Variants in HEATR4 observed in about 807,000 individuals in gnomAD.
HEATR4 encodes the protein HEAT repeat containing 4, also known as HEAT repeat-containing protein 4.
Under a neutral mutation model 108.8 loss-of-function variants are expected in HEATR4, and 95 were observed. The ratio of observed to expected loss-of-function variants is 0.87; its 90% confidence interval spans 0.74 to 1.04. HEATR4 has a LOEUF of 1.04. Among genes scored for constraint, HEATR4 ranks in the 50% least tolerant of loss-of-function variants. The pLI is 0.00. For missense variants in HEATR4, 1,152 were observed against 1,253.8 expected (o/e 0.92, Z 1.23); for synonymous variants, 443 against 459.4 (o/e 0.96, Z 0.46).
chr14:73,509,241 A>C, intron 8 of HEATR4, 71 bp downstream of exon 8: 1 of 1,430,052 alleles, frequency 7.0e-7, no homozygotes, highest in Admixed American at 1.7e-5. Flanking sequence ...TGGAGAGGAA[A>C]GGACTGGGAA....
At chr14:73,487,668 G>A (rs1885504056) in intron 17 of HEATR4, among the ~76,000 whole-genome samples, 1 of 152,166 alleles carries the variant, frequency 6.6e-6, no homozygotes, top group South Asian at 2.1e-4. Flanking sequence ...GATAGAAAAA[G>A]GCATAAGGAA....
At chr14:73,516,748 G>A (rs1048036031) in intron 5 of HEATR4, among the ~76,000 whole-genome samples, 36 of 152,306 alleles carry the variant, frequency 2.4e-4, no homozygotes, top group African/African-American at 7.9e-4. Flanking sequence ...TCTGCCTCCT[G>A]TCAGATCAGC....
At chr14:73,506,411 TCTGTAGCTCAGCCTCTCTTAGG>T in intron 10 of HEATR4, 34 bp downstream of exon 10, 1 of 1,292,644 alleles carries the variant, frequency 7.7e-7, no homozygotes, top group Non-Finnish European at 1.1e-6. Context: ...GTAGAAGGCC[TCTGTAGCTCAGCCTCTCTTAGG>T]CTTTCTGTCC....
the HEATR4 span, among the ~76,000 whole-genome samples, chr14:73,625,373 A>ATTT: frequency 7.1e-6 from 1 of 140,282 alleles, no homozygotes; most frequent in Admixed American, 7.2e-5. Context: ...TATTTATTTT[A>ATTT]TTTTTTAGAC....
At chr14:73,529,253 G>A (rs979206535) in intron 2 of HEATR4, 1 of 149,730 alleles carries the variant, frequency 6.7e-6, no homozygotes, top group Non-Finnish European at 1.5e-5. Flanking sequence ...TACTTGGGAG[G>A]CTAAGACAGG....
the HEATR4 span, among the ~76,000 whole-genome samples, chr14:73,583,443 C>G: frequency 6.6e-6 from 1 of 151,868 alleles, no homozygotes; most frequent in Non-Finnish European, 1.5e-5. Context: ...AGCCCTTTAC[C>G]CTCCATGATC....
At chr14:73,569,937 C>CT in the HEATR4 span, 3 of 1,548,262 alleles carry the variant, frequency 1.9e-6, no homozygotes, top group Non-Finnish European at 2.6e-6. Flanking sequence ...CTTTGTGTGT[C>CT]TCCCCCGCCC....
intron 11 of HEATR4, among the ~76,000 whole-genome samples, chr14:73,502,571 C>T (rs895344506): frequency 2.6e-5 from 4 of 151,436 alleles, no homozygotes; most frequent in Non-Finnish European, 5.9e-5. Flanking sequence ...TTTTTTGAGA[C>T]GGAGTCTTGC....
the HEATR4 span, among the ~76,000 whole-genome samples, chr14:73,590,880 C>T: frequency 3.9e-5 from 6 of 152,192 alleles, no homozygotes; most frequent in Admixed American, 3.9e-4. Context: ...AAAGGGGCTC[C>T]CACAGTGCAG....
At chr14:73,582,186 C>A in the HEATR4 span, 1 of 145,516 alleles carries the variant, frequency 6.9e-6, no homozygotes, top group Non-Finnish European at 1.5e-5. Context: ...AAATGGAAAT[C>A]AGCCCAGCTT....
the HEATR4 span, chr14:73,569,551 A>G: frequency 1.3e-3 from 2,017 of 1,603,862 alleles, 36 homozygotes; most frequent in African/African-American, 0.024. Context: ...CGCGACGAGA[A>G]GGGCGCGCTT....
At chr14:73,527,939 T>TCA (rs1341661391) in intron 2 of HEATR4, among the ~76,000 whole-genome samples, 2 of 92,790 alleles carry the variant, frequency 2.2e-5, no homozygotes, top group Non-Finnish European at 4.0e-5. Flanking sequence ...CCAGCCTGGG[T>TCA]AACAGGGGCA....
chr14:73,503,266 C>T (rs1351101369), intron 10 of HEATR4, among the ~76,000 whole-genome samples: 1 of 152,164 alleles, frequency 6.6e-6, no homozygotes, highest in African/African-American at 2.4e-5. Context: ...AGGACTCAAA[C>T]CCAACTCTCC....
intron 6 of HEATR4, among the ~76,000 whole-genome samples, chr14:73,513,315 C>T (rs1347268495): frequency 6.6e-6 from 1 of 151,878 alleles, no homozygotes; most frequent in African/African-American, 2.4e-5. Flanking sequence ...AAAAATTAGC[C>T]AGACATCATG....
At position 73,499,317 on chromosome 14, in the gene HEATR4, C is replaced by A. The variant is rs537187672; in HGVS notation, c.2287-177G>T. Reference sequence around the variant, plus strand: ...CCAACATGGTGAAACCCTGTCTCTACTAAAAATACAAAAATTAGCCGGGCA... The same window carrying A: ...CCAACATGGTGAAACCCTGTCTCTAATAAAAATACAAAAATTAGCCGGGCA... On this transcript the variant is annotated intron_variant, in intron 12 of 17. Coordinates refer to ENST00000553558, the MANE Select transcript of HEATR4 (RefSeq NM_001220484.1). Among the ~76,000 whole-genome samples the A allele has an allele frequency of 4.6e-5, 7 of 152,202 alleles. No individual in the cohort carries two copies. The South Asian group carries it at 1.5e-3, about 32-fold the overall frequency.
At chr14:73,616,166 T>A in the HEATR4 span, among the ~76,000 whole-genome samples, 11 of 152,176 alleles carry the variant, frequency 7.2e-5, no homozygotes, top group East Asian at 1.2e-3. Context: ...ATGGGTCTTG[T>A]TATGTTGCCC....
chr14:73,521,685 A>G (rs1887985628), intron 3 of HEATR4, among the ~76,000 whole-genome samples: 1 of 152,224 alleles, frequency 6.6e-6, no homozygotes, highest in African/African-American at 2.4e-5. Context: ...ACATGTAGTC[A>G]TCTTCTTCTC....
At chr14:73,616,965 C>T in the HEATR4 span, 1 of 629,430 alleles carries the variant, frequency 1.6e-6, no homozygotes, top group Non-Finnish European at 2.8e-6. Flanking sequence ...AACTAAAGCT[C>T]CCTGTGATTT....
the HEATR4 span, among the ~76,000 whole-genome samples, chr14:73,566,788 C>T: frequency 2.0e-5 from 3 of 151,732 alleles, no homozygotes; most frequent in African/African-American, 7.3e-5. Context: ...TCCCACAGTG[C>T]AGCGGTGGGC....
Sources: allele counts gnomAD v4.1 joint callset (sites outside exome capture counted in the v4.1 genomes callset), GRCh38; gene constraint gnomAD v4.1.1; transcripts MANE v1.5; gene names NCBI Gene and HGNC (gene_info 2026-07-23, HGNC 2026-07-21).